The following MEIOSIN variants were observed in gnomAD, a reference collection of about 807,000 sequenced individuals.
MEIOSIN encodes meiosis initiator.
MEIOSIN carries 18 observed loss-of-function variants against 23.4 expected under a neutral mutation model. That is an observed-to-expected ratio of 0.77 (90% CI 0.53 to 1.14). MEIOSIN has a LOEUF of 1.14. Among genes scored for constraint, MEIOSIN ranks in the 50% most tolerant of loss-of-function variants. The pLI is 0.00. For missense variants in MEIOSIN, 428 were observed against 242.9 expected (o/e 1.76, Z -5.07); for synonymous variants, 187 against 100.6 (o/e 1.86, Z -5.14).
intron 11 of MEIOSIN, among the ~76,000 whole-genome samples, chr19:45,760,328 C>A (rs973373258): frequency 6.6e-6 from 1 of 152,182 alleles, no homozygotes; most frequent in Non-Finnish European, 1.5e-5. Flanking sequence ...AGTGTCCGGG[C>A]GTGGTGGCTC....
At chr19:45,756,810 A>G (rs1968839713) in intron 8 of MEIOSIN, among the ~76,000 whole-genome samples, 1 of 151,942 alleles carries the variant, frequency 6.6e-6, no homozygotes, top group South Asian at 2.1e-4. Context: ...CATGACTCTT[A>G]TACTTCACAC....
At position 45,757,413 on chromosome 19, in the gene MEIOSIN, G is replaced by A; in HGVS notation, c.1012+136G>A. ...TAAGCACAGGGAAGGCAAACACACA[G>A]TGCACCTGCCAGCTCTCCGCCACCG... On this transcript the variant is annotated intron_variant, in intron 9 of 14. Coordinates refer to ENST00000457052, the MANE Select transcript of MEIOSIN (RefSeq NM_001310124.2). 2 of 560,936 alleles carry A rather than the reference G, an allele frequency of 3.6e-6. 1 individual carries two copies. Among genetic ancestry groups the A allele is most frequent in the South Asian group, 5.0e-5 (2 of 40,010 alleles). 34.7% of individuals were successfully genotyped at this position (560,936 alleles called of 1,614,324 possible).
intron 7 of MEIOSIN, 62 bp from the exon 8 acceptor site, chr19:45,755,908 C>T (rs543346799): frequency 1.6e-5 from 11 of 679,240 alleles, no homozygotes; most frequent in African/African-American, 8.8e-5. Flanking sequence ...TTGTCCCCTG[C>T]TTCTGGGCTT....
At position 45,739,604 on chromosome 19, in the gene MEIOSIN, T is replaced by C. The variant is rs1245812329; in HGVS notation, c.72-22T>C. ...GATTACCACTCCAACCCTGAACCAA[T>C]CACTGTGACTATTCTTGGCAGGACC... On this transcript the variant is annotated intron_variant, in intron 2 of 14. Coordinates refer to ENST00000457052, the MANE Select transcript of MEIOSIN (RefSeq NM_001310124.2). 4.3e-6 allele frequency: 3 copies of C among 702,844 alleles called. No individual in the cohort carries two copies. In the South Asian group the frequency reaches 4.4e-5, roughly 10 times the overall value. 43.5% of individuals were successfully genotyped at this position (702,844 alleles called of 1,614,324 possible).
chr19:45,762,289 C>T (rs576959375), intron 13 of MEIOSIN, 106 bp downstream of exon 13: 65 of 399,500 alleles, frequency 1.6e-4, no homozygotes, highest in African/African-American at 1.1e-3. Context: ...TTTCCCCCTC[C>T]GAGACCCCAC....
rs776464097 is a variant in MEIOSIN at position 45,739,678 on chromosome 19, G to A, written c.124G>A (p.Glu42Lys). Residue 42 changes from glutamate (E) to lysine (K), a missense_variant, in exon 3 of 15, where the codon GAA becomes AAA. Transcript: ENST00000457052. ...AGGGGAAGATAAGGTCAACCCCTCC[G>A]AACCACATGGACTGAGAATGGAGGA... Reference protein sequence around the residue: ...VEGEDKVNPSEPHGLRMEEKW... With the variant: ...VEGEDKVNPSKPHGLRMEEKW... 1.1e-5 allele frequency: 8 copies of A among 703,290 alleles called. No individual in the cohort carries two copies. The highest frequency in any genetic ancestry group is 2.7e-5 in the East Asian group (1 of 37,306). The allele number at this position is 703,290 out of a possible 1,614,324, so 43.6% of individuals were successfully genotyped here. A position where few individuals can be genotyped will look rare whatever the true frequency, so the allele number is the denominator to read the frequency against.
chr19:45,762,627 G>A (rs1968969653), intron 13 of MEIOSIN, among the ~76,000 whole-genome samples: 1 of 152,054 alleles, frequency 6.6e-6, no homozygotes, highest in African/African-American at 2.4e-5. Flanking sequence ...TTTTAGTAGA[G>A]ACAGGGTTTC....
chr19:45,756,268 C>T (rs759507718), intron 8 of MEIOSIN, among the ~76,000 whole-genome samples, 190 bp downstream of exon 8: 13 of 152,200 alleles, frequency 8.5e-5, no homozygotes, highest in Admixed American at 7.2e-4. Context: ...CAGACATGGT[C>T]ACAGCTTCCT....
chr19:45,739,298 G>A (rs919610655), intron 2 of MEIOSIN, among the ~76,000 whole-genome samples: 1 of 152,098 alleles, frequency 6.6e-6, no homozygotes, highest in Non-Finnish European at 1.5e-5. Context: ...TTACAGACAT[G>A]TGCTACCAGG....
At chr19:45,744,086 C>T (rs1968551173) in intron 3 of MEIOSIN, among the ~76,000 whole-genome samples, 1 of 151,550 alleles carries the variant, frequency 6.6e-6, no homozygotes, top group South Asian at 2.1e-4. Flanking sequence ...GCTCTGTCAC[C>T]CACAATCTCA....
At chr19:45,762,254 C>T (rs556923202) in intron 13 of MEIOSIN, 71 bp downstream of exon 13, 4 of 403,840 alleles carry the variant, frequency 9.9e-6, no homozygotes, top group South Asian at 1.2e-4. Context: ...CTGGCCATGC[C>T]GCTCCTCACA....
intron 3 of MEIOSIN, among the ~76,000 whole-genome samples, chr19:45,742,270 T>G (rs903782496): frequency 2.0e-5 from 3 of 152,096 alleles, no homozygotes; most frequent in Admixed American, 2.0e-4. Context: ...GCCTCTGAAG[T>G]GCTGGGATTA....
At position 45,754,472 on chromosome 19, in the gene MEIOSIN, C is replaced by T. The variant is rs1374032851; in HGVS notation, c.557-7C>T. 4 of 700,094 alleles carry T rather than the reference C, an allele frequency of 5.7e-6. No homozygotes were observed. The highest frequency in any genetic ancestry group is 5.2e-5 in the African/African-American group (3 of 57,166). 43.4% of individuals were successfully genotyped at this position (700,094 alleles called of 1,614,324 possible). ...CCCCTCTGACACCTGAACCTCTGCT[C>T]CCCCAGAAAGCCAGACTCGGACCCC... On this transcript the variant is annotated splice_polypyrimidine_tract_variant and splice_region_variant and intron_variant, in intron 6 of 14. Transcript: ENST00000457052.
intron 2 of MEIOSIN, among the ~76,000 whole-genome samples, chr19:45,737,112 AC>A (rs1468278651): frequency 1.4e-5 from 2 of 145,512 alleles, no homozygotes; most frequent in Non-Finnish European, 3.0e-5. Context: ...CAGGTGATTC[AC>A]CCGCCTCGGC....
At chr19:45,744,903 G>C (rs1968564865) in intron 3 of MEIOSIN, among the ~76,000 whole-genome samples, 1 of 152,196 alleles carries the variant, frequency 6.6e-6, no homozygotes, top group Non-Finnish European at 1.5e-5. Context: ...GGATGGAAGA[G>C]GCCAAATGGC....
chr19:45,754,465 C>G lies in MEIOSIN; in HGVS notation c.557-14C>G. 2.9e-6 allele frequency: 2 copies of G among 699,128 alleles called. No individual in the cohort carries two copies. Among genetic ancestry groups the G allele is most frequent in the Non-Finnish European group, 5.2e-6 (2 of 382,402 alleles). The allele number at this position is 699,128 out of a possible 1,614,324, so 43.3% of individuals were successfully genotyped here. On this transcript the variant is annotated splice_polypyrimidine_tract_variant and intron_variant, in intron 6 of 14. Coordinates refer to ENST00000457052, the MANE Select transcript of MEIOSIN (RefSeq NM_001310124.2). Reference sequence around the variant, plus strand: ...TCCCAGGCCCCTCTGACACCTGAACCTCTGCTCCCCCAGAAAGCCAGACTC... The same window carrying G: ...TCCCAGGCCCCTCTGACACCTGAACGTCTGCTCCCCCAGAAAGCCAGACTC...
intron 3 of MEIOSIN, among the ~76,000 whole-genome samples, chr19:45,743,678 C>T (rs1251353511): frequency 2.0e-5 from 3 of 152,228 alleles, no homozygotes; most frequent in South Asian, 4.2e-4. Flanking sequence ...CGTGCCACCA[C>T]ACCTGGCTGA....
intron 6 of MEIOSIN, among the ~76,000 whole-genome samples, chr19:45,754,057 ACCTCTGCCT>A: frequency 6.6e-6 from 1 of 150,674 alleles, no homozygotes; most frequent in Admixed American, 6.6e-5. Context: ...GCTCACTGCC[ACCTCTGCCT>A]CCCAGGTTGA....
intron 4 of MEIOSIN, among the ~76,000 whole-genome samples, chr19:45,750,151 G>C (rs1968672243): frequency 7.0e-6 from 1 of 142,378 alleles, no homozygotes; most frequent in Non-Finnish European, 1.5e-5. Flanking sequence ...CAATTCTTCA[G>C]TCGGCAGAGA....
Sources: gnomAD v4.1 joint callset for allele counts (sites outside exome capture counted in the v4.1 genomes callset) on GRCh38, gnomAD v4.1.1 for gene constraint, MANE v1.5 for transcripts, NCBI Gene and HGNC (gene_info 2026-07-23, HGNC 2026-07-21) for gene names.